ABTB3: variants seen among roughly 807,000 people sequenced by gnomAD.
The protein encoded by ABTB3 is ankyrin repeat and BTB domain containing 3, also known as ankyrin repeat- and BTB/POZ domain-containing protein 3.
the ABTB3 span, among the ~76,000 whole-genome samples, chr12:107,343,677 G>A: frequency 6.6e-6 from 1 of 152,146 alleles, no homozygotes; most frequent in East Asian, 1.9e-4. Flanking sequence ...CTGAGACTGA[G>A]ACATATATAA....
chr12:107,606,449 G>A, the ABTB3 span, among the ~76,000 whole-genome samples: 12 of 152,060 alleles, frequency 7.9e-5, no homozygotes, highest in South Asian at 6.2e-4. Context: ...ATTCATTTAC[G>A]AGTCTGTGAG....
At chr12:107,608,456 G>T in the ABTB3 span, among the ~76,000 whole-genome samples, 1 of 152,134 alleles carries the variant, frequency 6.6e-6, no homozygotes, top group African/African-American at 2.4e-5. Context: ...AGAAGTTTAT[G>T]CCCCAGAAAC....
At chr12:107,638,093 T>A in the ABTB3 span, among the ~76,000 whole-genome samples, 61 of 150,996 alleles carry the variant, frequency 4.0e-4, no homozygotes, top group South Asian at 0.011. Context: ...CTGGGGGGAG[T>A]TTTTTAATTA....
the ABTB3 span, among the ~76,000 whole-genome samples, chr12:107,482,905 TCTTTC>T: frequency 3.1e-4 from 44 of 143,140 alleles, no homozygotes; most frequent in East Asian, 7.9e-4. Flanking sequence ...TCTCTCTCTC[TCTTTC>T]TTCTTCTTTC....
the ABTB3 span, among the ~76,000 whole-genome samples, chr12:107,546,512 C>A: frequency 3.9e-5 from 6 of 152,224 alleles, no homozygotes; most frequent in Non-Finnish European, 7.3e-5. Flanking sequence ...TCCTTCCCTG[C>A]TAGACCACTG....
the ABTB3 span, among the ~76,000 whole-genome samples, chr12:107,448,406 G>A: frequency 6.6e-6 from 1 of 152,166 alleles, no homozygotes; most frequent in Non-Finnish European, 1.5e-5. Flanking sequence ...CCCACAGGGG[G>A]CCCCATTCAG....
At chr12:107,532,735 A>T in the ABTB3 span, among the ~76,000 whole-genome samples, 1 of 152,234 alleles carries the variant, frequency 6.6e-6, no homozygotes. Context: ...CAAACTGTCA[A>T]ATGTCAAAGA....
the ABTB3 span, among the ~76,000 whole-genome samples, chr12:107,643,265 G>A: frequency 5.3e-5 from 8 of 151,898 alleles, no homozygotes; most frequent in South Asian, 4.2e-4. Flanking sequence ...TTAGCCGGGC[G>A]TGGTCACACA....
the ABTB3 span, among the ~76,000 whole-genome samples, chr12:107,327,979 A>G: frequency 3.9e-5 from 6 of 152,170 alleles, no homozygotes; most frequent in Non-Finnish European, 4.4e-5. Flanking sequence ...GTGGAGGATT[A>G]TAATACAGTC....
At chr12:107,363,660 A>G in the ABTB3 span, among the ~76,000 whole-genome samples, 2 of 152,258 alleles carry the variant, frequency 1.3e-5, no homozygotes, top group African/African-American at 4.8e-5. Context: ...TGTAATTGCC[A>G]TATAAGCTGA....
chr12:107,441,707 G>T, the ABTB3 span, among the ~76,000 whole-genome samples: 1 of 149,126 alleles, frequency 6.7e-6, no homozygotes, highest in Non-Finnish European at 1.5e-5. Context: ...GGATACCAAG[G>T]TAGGAGGATC....
the ABTB3 span, among the ~76,000 whole-genome samples, chr12:107,464,968 AC>A: frequency 6.6e-6 from 1 of 151,890 alleles, no homozygotes; most frequent in African/African-American, 2.4e-5. Context: ...ACACACACAC[AC>A]ACACACACCC....
At chr12:107,410,897 GTA>G in the ABTB3 span, among the ~76,000 whole-genome samples, 75 of 152,262 alleles carry the variant, frequency 4.9e-4, no homozygotes, top group Middle Eastern at 3.4e-3. Flanking sequence ...AGCTTTCAGG[GTA>G]TAGACAGAGA....
the ABTB3 span, chr12:107,318,684 TC>T: frequency 2.2e-6 from 1 of 463,238 alleles, no homozygotes; most frequent in African/African-American, 2.0e-5. Flanking sequence ...GGAGCTTCCT[TC>T]CCGGCCTGGC....
chr12:107,478,925 C>G, the ABTB3 span, among the ~76,000 whole-genome samples: 1 of 152,222 alleles, frequency 6.6e-6, no homozygotes, highest in Non-Finnish European at 1.5e-5. Flanking sequence ...TCTGCCCGAA[C>G]CTTCAGAACT....
the ABTB3 span, among the ~76,000 whole-genome samples, chr12:107,447,789 G>A: frequency 6.6e-6 from 1 of 152,166 alleles, no homozygotes; most frequent in Non-Finnish European, 1.5e-5. Flanking sequence ...AATCAGAGGT[G>A]CCAAGAACAG....
At chr12:107,530,069 G>A in the ABTB3 span, among the ~76,000 whole-genome samples, 319 of 152,270 alleles carry the variant, frequency 2.1e-3, no homozygotes, top group South Asian at 4.6e-3. Flanking sequence ...TCAATTGTTA[G>A]GAGAATGAAG....
At chr12:107,487,709 C>T in the ABTB3 span, among the ~76,000 whole-genome samples, 1 of 152,068 alleles carries the variant, frequency 6.6e-6, no homozygotes, top group Non-Finnish European at 1.5e-5. Flanking sequence ...CGACAAAGAC[C>T]CCAACTATAT....
chr12:107,433,923 T>A, the ABTB3 span, among the ~76,000 whole-genome samples: 1 of 152,168 alleles, frequency 6.6e-6, no homozygotes, highest in Admixed American at 6.5e-5. Flanking sequence ...GCCTGCCAAC[T>A]TCTTGTCCTG....
Sources: allele counts gnomAD v4.1 joint callset (sites outside exome capture counted in the v4.1 genomes callset), GRCh38; gene constraint gnomAD v4.1.1; transcripts MANE v1.5; gene names NCBI Gene and HGNC (gene_info 2026-07-23, HGNC 2026-07-21).